LSAMP: variants seen among roughly 807,000 people sequenced by gnomAD.
The protein encoded by LSAMP is limbic system-associated membrane protein.
LSAMP carries 7 observed loss-of-function variants against 38.6 expected under a neutral mutation model. The observed-to-expected ratio is 0.18, with a 90% CI of 0.10 to 0.34. The LOEUF (loss-of-function observed/expected upper bound fraction) is 0.34, where lower values mean the gene tolerates loss of function less well. Ranked by LOEUF, LSAMP falls within the 10% of genes least tolerant of loss-of-function variation. The probability of loss-of-function intolerance (pLI) is 1.00; values close to 1 mark genes in which losing one functional copy is unlikely to be tolerated. For missense variants in LSAMP, 313 were observed against 420.0 expected (o/e 0.75, Z 2.23); for synonymous variants, 154 against 166.8 (o/e 0.92, Z 0.59).
intron 1 of LSAMP, among the ~76,000 whole-genome samples, chr3:116,236,410 TAAAAG>T (rs1349179264): frequency 1.3e-5 from 2 of 152,100 alleles, no homozygotes; most frequent in Non-Finnish European, 2.9e-5. Flanking sequence ...CATGTTAAAA[TAAAAG>T]AATACCAAAT....
chr3:116,425,857 A>G (rs761771631), intron 1 of LSAMP, among the ~76,000 whole-genome samples: 4 of 141,970 alleles, frequency 2.8e-5, no homozygotes, highest in Non-Finnish European at 6.2e-5. Context: ...TGGGAAAAAA[A>G]CCATACATCC....
At chr3:116,236,043 G>GC (rs1435082072) in intron 1 of LSAMP, among the ~76,000 whole-genome samples, 1 of 151,942 alleles carries the variant, frequency 6.6e-6, no homozygotes, top group African/African-American at 2.4e-5. Flanking sequence ...TCTTTACACT[G>GC]CTTGTGTTTT....
At chr3:116,425,580 T>C (rs575907929) in intron 1 of LSAMP, among the ~76,000 whole-genome samples, 16 of 152,226 alleles carry the variant, frequency 1.1e-4, no homozygotes, top group African/African-American at 3.1e-4. Context: ...AGTATGTCAA[T>C]AAAAATATTG....
chr3:115,944,689 A>C (rs1039624322), intron 3 of LSAMP, among the ~76,000 whole-genome samples: 2 of 152,204 alleles, frequency 1.3e-5, no homozygotes. Context: ...ATCATTATTC[A>C]CATTTTATGA....
At chr3:115,952,844 GA>G (rs1340383104) in intron 3 of LSAMP, among the ~76,000 whole-genome samples, 4 of 152,122 alleles carry the variant, frequency 2.6e-5, no homozygotes, top group Non-Finnish European at 4.4e-5. Flanking sequence ...AGAACAACAG[GA>G]AAAAAATCAG....
At chr3:116,217,140 G>A (rs2046229303) in intron 1 of LSAMP, among the ~76,000 whole-genome samples, 2 of 152,126 alleles carry the variant, frequency 1.3e-5, no homozygotes, top group Admixed American at 1.3e-4. Context: ...ACTGCTGGTG[G>A]CTGTTCTGGT....
intron 1 of LSAMP, among the ~76,000 whole-genome samples, chr3:116,333,448 G>C (rs1042744005): frequency 2.7e-5 from 4 of 149,542 alleles, no homozygotes; most frequent in African/African-American, 9.9e-5. Flanking sequence ...CTGAGGCAGA[G>C]AATTGAACCC....
chr3:116,121,738 A>G (rs1401605529), intron 1 of LSAMP, among the ~76,000 whole-genome samples: 1 of 152,204 alleles, frequency 6.6e-6, no homozygotes, highest in Non-Finnish European at 1.5e-5. Context: ...AGTAAATGGT[A>G]GAGCCAGGTC....
At chr3:116,236,943 A>T (rs1468735859) in intron 1 of LSAMP, among the ~76,000 whole-genome samples, 1 of 150,518 alleles carries the variant, frequency 6.6e-6, no homozygotes, top group Non-Finnish European at 1.5e-5. Flanking sequence ...TGTCTTTACA[A>T]CATAAGCCAT....
At chr3:116,329,861 T>C (rs569312392) in intron 1 of LSAMP, among the ~76,000 whole-genome samples, 1 of 152,174 alleles carries the variant, frequency 6.6e-6, no homozygotes, top group Non-Finnish European at 1.5e-5. Flanking sequence ...AAAAAAAAGC[T>C]AGTTAACTAA....
intron 1 of LSAMP, among the ~76,000 whole-genome samples, chr3:116,272,149 A>AATATATATATATAT (rs148831827): frequency 1.3e-5 from 2 of 150,440 alleles, no homozygotes; most frequent in African/African-American, 4.9e-5. Context: ...TAAACAAATA[A>AATATATATATATAT]ATATATATAT....
chr3:115,966,025 A>G (rs988878098), intron 3 of LSAMP, among the ~76,000 whole-genome samples: 2 of 152,138 alleles, frequency 1.3e-5, no homozygotes, highest in African/African-American at 4.8e-5. Flanking sequence ...AGCTGGCTCC[A>G]TGGCAAACTG....
At chr3:116,135,966 C>T (rs138204216) in intron 1 of LSAMP, among the ~76,000 whole-genome samples, 5 of 152,166 alleles carry the variant, frequency 3.3e-5, no homozygotes, top group African/African-American at 1.2e-4. Context: ...AGAGTCAATA[C>T]CCATGTTTGA....
At chr3:115,921,593 C>T (rs1937384141) in intron 3 of LSAMP, among the ~76,000 whole-genome samples, 1 of 151,966 alleles carries the variant, frequency 6.6e-6, no homozygotes, top group Admixed American at 6.6e-5. Context: ...ACTGCCATTG[C>T]AGTATTACAG....
intron 1 of LSAMP, among the ~76,000 whole-genome samples, chr3:116,391,709 C>T (rs1410280473): frequency 6.6e-6 from 1 of 152,132 alleles, no homozygotes; most frequent in Non-Finnish European, 1.5e-5. Context: ...AGCAGCAGAC[C>T]GTCTGGAGCG....
chr3:116,004,577 T>C (rs1459073696), intron 3 of LSAMP, among the ~76,000 whole-genome samples: 2 of 150,620 alleles, frequency 1.3e-5, no homozygotes, highest in South Asian at 2.1e-4. Context: ...TACATATATA[T>C]ACATTTGGTT....
At chr3:116,199,461 T>G (rs1194378695) in intron 1 of LSAMP, among the ~76,000 whole-genome samples, 1 of 152,202 alleles carries the variant, frequency 6.6e-6, no homozygotes, top group Non-Finnish European at 1.5e-5. Flanking sequence ...TGAAGAAAAG[T>G]GTCTAAGAGT....
intron 3 of LSAMP, among the ~76,000 whole-genome samples, chr3:115,995,470 A>G (rs1939789362): frequency 6.6e-6 from 1 of 152,126 alleles, no homozygotes. Flanking sequence ...TAATTATTCT[A>G]TATCACAGAC....
At chr3:115,890,168 T>A (rs1019711302) in intron 3 of LSAMP, among the ~76,000 whole-genome samples, 2 of 151,926 alleles carry the variant, frequency 1.3e-5, no homozygotes, top group African/African-American at 4.8e-5. Flanking sequence ...AATTCCTAAA[T>A]CTCAAAAGCA....
Sources: gnomAD v4.1 joint callset for allele counts (sites outside exome capture counted in the v4.1 genomes callset) on GRCh38, gnomAD v4.1.1 for gene constraint, MANE v1.5 for transcripts, NCBI Gene and HGNC (gene_info 2026-07-23, HGNC 2026-07-21) for gene names.